The following RPTOR variants were observed in gnomAD, a reference collection of about 807,000 sequenced individuals.
RPTOR encodes the protein regulatory-associated protein of mTOR.
In RPTOR, 21 loss-of-function variants were observed where a neutral mutation model predicts 169.9. The observed-to-expected ratio is 0.12, with a 90% CI of 0.09 to 0.18. RPTOR has a LOEUF of 0.18. RPTOR is among the 10% of genes least tolerant of loss of function. RPTOR has a pLI of 1.00. For synonymous variants in RPTOR, 732 were observed against 753.2 expected (o/e 0.97, Z 0.46); for missense variants, 1,133 against 1,855.9 (o/e 0.61, Z 7.16).
chr17:80,864,291 T>C lies in RPTOR; in HGVS notation c.1509+6391T>C, dbSNP rs796411443. ...GTGAGAATGACGGCAGGTTTCTTCT[T>C]ACAGATTTCCTACAGATGGAAAAGG... On this transcript the variant is annotated intron_variant, in intron 13 of 33. Transcript: ENST00000306801. Among the ~76,000 whole-genome samples, 281 of 128,374 alleles carry C rather than the reference T, an allele frequency of 2.2e-3. 1 individual carries two copies. Among genetic ancestry groups the C allele is most frequent in the South Asian group, 9.4e-3 (37 of 3,922 alleles). The allele number at this position is 128,374 out of a possible 152,430, so 84.2% of individuals were successfully genotyped here. A position where few individuals can be genotyped will look rare whatever the true frequency, so the allele number is the denominator to read the frequency against.
intron 4 of RPTOR, among the ~76,000 whole-genome samples, chr17:80,729,779 G>T (rs1464881334): frequency 1.3e-5 from 2 of 152,226 alleles, no homozygotes; most frequent in East Asian, 3.9e-4. Flanking sequence ...ACCCAGAGAT[G>T]TGACAGAGTT....
intron 3 of RPTOR, among the ~76,000 whole-genome samples, chr17:80,645,034 T>C (rs1224178570): frequency 3.3e-5 from 5 of 152,244 alleles, no homozygotes; most frequent in Admixed American, 6.5e-5. Flanking sequence ...ACACATGCTG[T>C]AGCCTTTTTC....
At chr17:80,782,333 T>C (rs940929832) in intron 6 of RPTOR, among the ~76,000 whole-genome samples, 2 of 152,126 alleles carry the variant, frequency 1.3e-5, no homozygotes, top group African/African-American at 4.8e-5. Flanking sequence ...GATATAATGG[T>C]GGGTCATTTA....
At chr17:80,664,279 G>A (rs1193426865) in intron 3 of RPTOR, among the ~76,000 whole-genome samples, 1 of 152,152 alleles carries the variant, frequency 6.6e-6, no homozygotes, top group Non-Finnish European at 1.5e-5. Context: ...CTTCTTTAAT[G>A]CCCAGCACAA....
At chr17:80,653,285 C>T (rs555880597) in intron 3 of RPTOR, among the ~76,000 whole-genome samples, 2 of 152,228 alleles carry the variant, frequency 1.3e-5, no homozygotes, top group African/African-American at 4.8e-5. Context: ...AGCCAGGCAC[C>T]GTGGCTCATG....
chr17:80,668,027 G>A (rs2065793781), intron 3 of RPTOR, among the ~76,000 whole-genome samples: 1 of 152,190 alleles, frequency 6.6e-6, no homozygotes, highest in South Asian at 2.1e-4. Flanking sequence ...CAGATGACAT[G>A]GAAGCTGCAC....
chr17:80,688,512 AAGAAGGCTGCCACCACTC>A (rs1373140920), intron 3 of RPTOR, among the ~76,000 whole-genome samples: 1 of 152,200 alleles, frequency 6.6e-6, no homozygotes. Context: ...TCATGATGAC[AAGAAGGCTGCCACCACTC>A]CAAACATCAC....
chr17:80,584,406 G>T (rs995944909), intron 1 of RPTOR, among the ~76,000 whole-genome samples: 8 of 151,742 alleles, frequency 5.3e-5, no homozygotes, highest in Non-Finnish European at 1.0e-4. Context: ...ATAAATAACT[G>T]CCTTTCAAGA....
At chr17:80,648,873 C>T (rs1418676466) in intron 3 of RPTOR, among the ~76,000 whole-genome samples, 2 of 152,252 alleles carry the variant, frequency 1.3e-5, no homozygotes, top group East Asian at 1.9e-4. Flanking sequence ...TGCTGTTGTC[C>T]GTAGTGAACA....
chr17:80,615,249 C>G (rs1010137125), intron 1 of RPTOR, among the ~76,000 whole-genome samples: 2 of 152,120 alleles, frequency 1.3e-5, no homozygotes, highest in Non-Finnish European at 2.9e-5. Flanking sequence ...GACCTGCCAC[C>G]GCCTCCTGAA....
At position 80,784,102 on chromosome 17, in the gene RPTOR, G is replaced by A. The variant is rs114572013; in HGVS notation, c.831-7348G>A. Among the ~76,000 whole-genome samples, 1,261 of 151,984 alleles carry A rather than the reference G, an allele frequency of 8.3e-3. 8 individuals are homozygous for A. Among genetic ancestry groups the A allele is most frequent in the African/African-American group, 0.022 (895 of 41,444 alleles). The stretch of plus-strand genomic sequence containing the variant: ...AACGATCCTCCTGCCTCAGCCTCCC[G>A]AGTCCTCTGACCATGCCCAGCTAAC... On this transcript the variant is annotated intron_variant, in intron 6 of 33. Coordinates refer to ENST00000306801, the MANE Select transcript of RPTOR (RefSeq NM_020761.3).
rs113203614 is a variant in RPTOR at position 80,575,313 on chromosome 17, T to C, written c.162+29522T>C. On this transcript the variant is annotated intron_variant, in intron 1 of 33. Transcript: ENST00000306801. ...CCTGGCTGGATATACAGTATTTTTG[T>C]TCAGTTCAAATTATTCTCTAAATTT... Among the ~76,000 whole-genome samples the C allele has an allele frequency of 1.3e-3, 205 of 152,378 alleles. 1 individual carries two copies. The highest frequency in any genetic ancestry group is 2.2e-3 in the Non-Finnish European group (151 of 68,034).
chr17:80,896,488 A>G (rs149451655), intron 20 of RPTOR, among the ~76,000 whole-genome samples: 62,703 of 95,420 alleles, frequency 0.66, 20,376 homozygotes, highest in Non-Finnish European at 0.72. Context: ...CCACGGCCGC[A>G]CCGACACACC....
At chr17:80,693,235 TC>T (rs1306586119) in intron 3 of RPTOR, among the ~76,000 whole-genome samples, 1 of 152,126 alleles carries the variant, frequency 6.6e-6, no homozygotes, top group Non-Finnish European at 1.5e-5. Flanking sequence ...GTGTAGCAGG[TC>T]CCCAGGCCAT....
intron 7 of RPTOR, among the ~76,000 whole-genome samples, chr17:80,793,326 A>G (rs1056458268): frequency 2.0e-5 from 3 of 152,200 alleles, no homozygotes; most frequent in Non-Finnish European, 4.4e-5. Flanking sequence ...CTGTGTATAT[A>G]TATTATATAT....
At chr17:80,924,592 G>A (rs2068788775) in intron 23 of RPTOR, among the ~76,000 whole-genome samples, 1 of 152,042 alleles carries the variant, frequency 6.6e-6, no homozygotes, top group Non-Finnish European at 1.5e-5. Context: ...CGAGCCCCAA[G>A]TGCAGGGTCA....
At chr17:80,877,892 A>G (rs574863632) in intron 13 of RPTOR, among the ~76,000 whole-genome samples, 1 of 152,192 alleles carries the variant, frequency 6.6e-6, no homozygotes, top group African/African-American at 2.4e-5. Flanking sequence ...AGCCCAGCCC[A>G]TAACCCGCCT....
intron 9 of RPTOR, among the ~76,000 whole-genome samples, chr17:80,833,676 C>T (rs550390714): frequency 5.0e-4 from 76 of 152,332 alleles, no homozygotes; most frequent in African/African-American, 1.8e-3. Context: ...TAGAGAATAC[C>T]GTTGTTCTGC....
At chr17:80,897,340 G>C (rs544355983) in intron 20 of RPTOR, among the ~76,000 whole-genome samples, 1 of 151,952 alleles carries the variant, frequency 6.6e-6, no homozygotes, top group Non-Finnish European at 1.5e-5. Context: ...TACGACATTT[G>C]CTGTAGATTT....
Sources: gnomAD v4.1 joint callset for allele counts (sites outside exome capture counted in the v4.1 genomes callset) on GRCh38, gnomAD v4.1.1 for gene constraint, MANE v1.5 for transcripts, NCBI Gene and HGNC (gene_info 2026-07-23, HGNC 2026-07-21) for gene names.